Variants in SLC7A8 observed in about 807,000 individuals in gnomAD.
The protein encoded by SLC7A8 is solute carrier family 7 member 8.
Under a neutral mutation model 51.2 loss-of-function variants are expected in SLC7A8, and 30 were observed. That is an observed-to-expected ratio of 0.59 (90% CI 0.44 to 0.80). SLC7A8 has a LOEUF of 0.80. Among genes scored for constraint, SLC7A8 ranks in the 30% least tolerant of loss-of-function variants. SLC7A8 has a pLI of 0.00. For missense variants in SLC7A8, 612 were observed against 674.4 expected, an observed-to-expected ratio of 0.91 and a Z score of 1.03; for synonymous variants, 257 against 275.8, an observed-to-expected ratio of 0.93 and a Z score of 0.67.
intron 3 of SLC7A8, among the ~76,000 whole-genome samples, chr14:23,148,417 C>T (rs550524923): frequency 2.0e-5 from 3 of 152,110 alleles, no homozygotes; most frequent in East Asian, 3.9e-4. Flanking sequence ...TTAGTAGAGA[C>T]GGGTTTCACC....
At chr14:23,174,990 AAAC>A (rs2048992418) in intron 1 of SLC7A8, among the ~76,000 whole-genome samples, 1 of 152,196 alleles carries the variant, frequency 6.6e-6, no homozygotes, top group African/African-American at 2.4e-5. Flanking sequence ...AATAACAACA[AAAC>A]AACAACAGAC....
intron 7 of SLC7A8, 106 bp from the exon 8 acceptor site, chr14:23,131,663 A>G: frequency 1.3e-6 from 1 of 754,888 alleles, no homozygotes; most frequent in Non-Finnish European, 2.0e-6. Flanking sequence ...TCCCCACTCC[A>G]ACCAGGCACC....
At position 23,182,237 on chromosome 14, in the gene SLC7A8, A is replaced by C. The variant is rs540832845; in HGVS notation, c.151+527T>G. Among the ~76,000 whole-genome samples, 14 of 152,322 alleles carry C rather than the reference A, an allele frequency of 9.2e-5. No homozygotes were observed. The South Asian group carries it at 1.9e-3, about 20-fold the overall frequency. ...CAGCCCTGTCACAGCTACTTCACACAGTAAAAGTGCTGCATAAGGTGGAAA... is the reference window on the plus strand; with the variant it reads ...CAGCCCTGTCACAGCTACTTCACACCGTAAAAGTGCTGCATAAGGTGGAAA... On this transcript the variant is annotated intron_variant, in intron 1 of 10. Coordinates refer to ENST00000316902, the MANE Select transcript of SLC7A8 (RefSeq NM_012244.4).
chr14:23,174,653 G>C (rs994367786), intron 1 of SLC7A8, among the ~76,000 whole-genome samples: 3 of 152,228 alleles, frequency 2.0e-5, no homozygotes, highest in African/African-American at 7.2e-5. Context: ...AATATAATGT[G>C]CTCGGTGAGT....
rs941443244 is a variant in SLC7A8, at chr14:23,180,888, G to C, written c.151+1876C>G. ...AAAATACAAAAAAAATTAGCAGGGC[G>C]TGGTGGTGGGCGCCTGTAGTCCCAG... is the stretch of plus-strand genomic sequence containing the variant. On this transcript the variant is annotated intron_variant, in intron 1 of 10. Coordinates refer to ENST00000316902, the MANE Select transcript of SLC7A8 (RefSeq NM_012244.4). 1.5e-4 allele frequency among the ~76,000 whole-genome samples: 23 copies of C among 152,226 alleles called. No individual in the cohort carries two copies. In the South Asian group the frequency reaches 1.9e-3, roughly 12 times the overall value.
At chr14:23,135,819 A>T (rs1249415346) in intron 7 of SLC7A8, among the ~76,000 whole-genome samples, 1 of 152,206 alleles carries the variant, frequency 6.6e-6, no homozygotes, top group African/African-American at 2.4e-5. Context: ...ACATTATATC[A>T]ATGTATTGAA....
intron 7 of SLC7A8, among the ~76,000 whole-genome samples, chr14:23,134,923 A>C (rs2048674754): frequency 6.6e-6 from 1 of 152,064 alleles, no homozygotes; most frequent in South Asian, 2.1e-4. Flanking sequence ...TTTATTTTTT[A>C]CTTATTTTTC....
chr14:23,130,418 T>C (rs1180832852), intron 8 of SLC7A8, among the ~76,000 whole-genome samples: 1 of 152,234 alleles, frequency 6.6e-6, no homozygotes, highest in South Asian at 2.1e-4. Flanking sequence ...AAATCATCTC[T>C]GTGGCTCTCT....
intron 7 of SLC7A8, among the ~76,000 whole-genome samples, chr14:23,134,307 C>G (rs951430705): frequency 6.6e-6 from 1 of 151,248 alleles, no homozygotes; most frequent in Non-Finnish European, 1.5e-5. Flanking sequence ...CGTGGTAGAG[C>G]GTGCCTGTAG....
At chr14:23,162,253 C>T (rs993821830) in intron 3 of SLC7A8, among the ~76,000 whole-genome samples, 6 of 152,102 alleles carry the variant, frequency 3.9e-5, no homozygotes, top group South Asian at 2.1e-4. Flanking sequence ...GCCTTCACAG[C>T]TAGGAGGAAA....
rs1208617626 is a variant in SLC7A8 at position 23,165,494 on chromosome 14, G to A, written c.357-58C>T. The A allele has an allele frequency of 3.3e-6, 5 of 1,518,046 alleles. No homozygotes were observed. The highest frequency in any genetic ancestry group is 2.9e-5 in the African/African-American group (2 of 69,724). The allele number at this position is 1,518,046 out of a possible 1,614,324, so 94.0% of individuals were successfully genotyped here. ...ATGGCAGGGACGCAGAGCCATCAGG[G>A]GAGAGCCCGGGCAAGTCATGCATCT... On this transcript the variant is annotated intron_variant, in intron 2 of 10. Coordinates refer to ENST00000316902, the MANE Select transcript of SLC7A8 (RefSeq NM_012244.4). The surrounding 1 kb of genome is among the most constrained non-coding windows in gnomAD (Gnocchi z 4.2).
At chr14:23,170,151 T>G (rs964976631) in intron 1 of SLC7A8, among the ~76,000 whole-genome samples, 1 of 152,186 alleles carries the variant, frequency 6.6e-6, no homozygotes, top group African/African-American at 2.4e-5. Context: ...ATTTTACCAT[T>G]GCAAAAACTG....
At chr14:23,162,715 C>T (rs7142162) in intron 3 of SLC7A8, among the ~76,000 whole-genome samples, 98,760 of 151,912 alleles carry the variant, frequency 0.65, 35,758 homozygotes, top group Admixed American at 0.79. Context: ...CTTTCTGGTC[C>T]GAGGGGACGC....
chr14:23,129,673 G>T lies in SLC7A8; in HGVS notation c.1240C>A (p.Pro414Thr). 1.2e-6 allele frequency: 2 copies of T among 1,614,188 alleles called. No individual in the cohort carries two copies. The highest frequency in any genetic ancestry group is 1.7e-6 in the Non-Finnish European group (2 of 1,180,018). ...ACCTTGATGGGGCGGGGGATATCAGGCTTCTTCCAGCGAAGGACTATCTGT... is the reference window on the plus strand; with the variant it reads ...ACCTTGATGGGGCGGGGGATATCAGTCTTCTTCCAGCGAAGGACTATCTGT... ...AGQIVLRWKK[P>T]DIPRPIKINL... Residue 414 changes from proline to threonine, a missense_variant, in exon 9 of 11, where the codon CCT (proline) becomes ACT (threonine). By Grantham distance (38) the Pro-to-Thr change is conservative. Coordinates refer to ENST00000316902, the MANE Select transcript of SLC7A8 (RefSeq NM_012244.4).
In SLC7A8 at chr14:23,165,269, C is replaced by T; in HGVS notation, c.508+16G>A. 1 of 1,604,408 alleles carries T rather than the reference C, an allele frequency of 6.2e-7. No homozygotes were observed. Among genetic ancestry groups the T allele is most frequent in the Non-Finnish European group, 8.5e-7 (1 of 1,176,344 alleles). On this transcript the variant is annotated intron_variant, in intron 3 of 10. Transcript: ENST00000316902. The surrounding 1 kb of genome is among the most constrained non-coding windows in gnomAD (Gnocchi z 4.2). Reference sequence around the variant, plus strand: ...AAAAGAGGCTGTCTTGCTACCAAGACCCAGATGACACTTACATAAGCAGAT... The same window carrying T: ...AAAAGAGGCTGTCTTGCTACCAAGATCCAGATGACACTTACATAAGCAGAT...
chr14:23,135,511 G>A lies in SLC7A8; in HGVS notation c.1016+2410C>T, dbSNP rs1167835166. Reference sequence around the variant, plus strand: ...AGGTCAGGAGATCAAGACCGTCCTGGCTAACATGGTGAAACCCCGTCTCTA... The same window carrying A: ...AGGTCAGGAGATCAAGACCGTCCTGACTAACATGGTGAAACCCCGTCTCTA... On this transcript the variant is annotated intron_variant, in intron 7 of 10. Transcript: ENST00000316902. Among the ~76,000 whole-genome samples the A allele has an allele frequency of 2.0e-5, 3 of 151,532 alleles. No homozygotes were observed. In the East Asian group the frequency reaches 5.9e-4, roughly 30 times the overall value.
chr14:23,155,254 G>C, intron 3 of SLC7A8: 1 of 1,536,154 alleles, frequency 6.5e-7, no homozygotes, highest in Non-Finnish European at 8.7e-7. Flanking sequence ...GGACACACCA[G>C]CAGAGGAGGA....
At chr14:23,172,317 G>C (rs1011742179) in intron 1 of SLC7A8, among the ~76,000 whole-genome samples, 3 of 152,228 alleles carry the variant, frequency 2.0e-5, no homozygotes, top group Non-Finnish European at 4.4e-5. Flanking sequence ...TCATTTGTCT[G>C]CTGGTCTAGG....
intron 3 of SLC7A8, among the ~76,000 whole-genome samples, chr14:23,158,585 C>A (rs746684124): frequency 6.6e-6 from 1 of 152,200 alleles, no homozygotes; most frequent in African/African-American, 2.4e-5. Flanking sequence ...ACCTCGTGAT[C>A]CACCCGCCTC....
Sources: gnomAD v4.1 joint callset for allele counts (sites outside exome capture counted in the v4.1 genomes callset) on GRCh38, gnomAD v4.1.1 for gene constraint, Gnocchi (gnomAD v3.1) non-coding constraint, MANE v1.5 for transcripts, NCBI Gene and HGNC (gene_info 2026-07-23, HGNC 2026-07-21) for gene names.